Variants in NUP160 observed in about 807,000 individuals in gnomAD.
NUP160 encodes nucleoporin 160.
NUP160 carries 94 observed loss-of-function variants against 196.9 expected under a neutral mutation model. The observed-to-expected ratio is 0.48, with a 90% CI of 0.40 to 0.57. The LOEUF (loss-of-function observed/expected upper bound fraction) is 0.57. NUP160 is among the 20% of genes least tolerant of loss of function. NUP160 has a pLI of 0.00. For missense variants in NUP160, 1,638 were observed against 1,748.3 expected (o/e 0.94, Z 1.13); for synonymous variants, 605 against 619.7 (o/e 0.98, Z 0.35).
In NUP160 at chr11:47,812,226, T is replaced by C; in HGVS notation, c.2081-2A>G. ...TCATTCGAATATTCAAAGGCTGAGC[T>C]GTAAAAAGAAGAAAAATGGAGTTGA... On this transcript the variant is annotated splice_acceptor_variant, in intron 16 of 35. Transcript: ENST00000378460. LOFTEE classifies it high-confidence loss of function. 1 of 1,613,906 alleles carries C rather than the reference T, an allele frequency of 6.2e-7. No individual in the cohort carries two copies. The highest frequency in any genetic ancestry group is 8.5e-7 in the Non-Finnish European group (1 of 1,179,870).
At chr11:47,789,065 C>T (rs10838767) in intron 29 of NUP160, among the ~76,000 whole-genome samples, 52,498 of 151,660 alleles carry the variant, frequency 0.35, 10,526 homozygotes, top group South Asian at 0.52. Flanking sequence ...TTAGTAGACA[C>T]GGGGTTTTAC....
rs187327062 is a variant in NUP160, at chr11:47,787,297, G to A, written c.3747-743C>T. ...GAGATGGGGTTTCGTCATGTTGGCC[G>A]GGCAGGTCTTGAACTCCTGACCTCA... is the stretch of plus-strand genomic sequence containing the variant. On this transcript the variant is annotated intron_variant, in intron 31 of 35. Coordinates refer to ENST00000378460, the Ensembl canonical transcript of NUP160. Among the ~76,000 whole-genome samples, 7 of 151,872 alleles carry A rather than the reference G, an allele frequency of 4.6e-5. No homozygotes were observed. The East Asian group carries it at 5.8e-4, about 13-fold the overall frequency.
intron 5 of NUP160, among the ~76,000 whole-genome samples, 197 bp downstream of exon 5, chr11:47,837,347 AT>A (rs750212950): frequency 6.5e-4 from 99 of 152,352 alleles, no homozygotes; most frequent in Middle Eastern, 3.4e-3. Flanking sequence ...AGGCCGATTT[AT>A]GCTGACAAGG....
At chr11:47,812,246 A>C in intron 16 of NUP160, 22 bp from the exon 17 acceptor site, 1 of 1,613,774 alleles carries the variant, frequency 6.2e-7, no homozygotes, top group South Asian at 1.1e-5. Context: ...AGAAAAATGG[A>C]GTTGAATGCA....
Position 47,819,256 on chromosome 11 carries a change from T to G in NUP160, c.1362+118A>C, listed in dbSNP as rs893422755. On this transcript the variant is annotated intron_variant, in intron 10 of 35. Coordinates refer to ENST00000378460, the Ensembl canonical transcript of NUP160. ...TGAACCTGGGAGGCAGAGGTTGCAG[T>G]GAGCCAAGATCATGCCACTGTACCC... 25 of 678,818 alleles carry G rather than the reference T, an allele frequency of 3.7e-5. No homozygotes were observed. In the African/African-American group the frequency reaches 3.9e-4, roughly 11 times the overall value. 42.0% of individuals were successfully genotyped at this position (678,818 alleles called of 1,614,324 possible). A position where few individuals can be genotyped will look rare whatever the true frequency, so the allele number is the denominator to read the frequency against.
rs575838027 is a variant in NUP160 at position 47,798,921 on chromosome 11, C to T, written c.2896-458G>A. ...ACACCTGTCATTCTGACCAACACGG[C>T]GAGACCCCATCTCTATTATTAAAAA... On this transcript the variant is annotated intron_variant, in intron 23 of 35. Transcript: ENST00000378460. Among the ~76,000 whole-genome samples the T allele has an allele frequency of 5.6e-5, 8 of 143,688 alleles. No individual in the cohort carries two copies. In the East Asian group the frequency reaches 1.0e-3, roughly 18 times the overall value. 94.3% of individuals were successfully genotyped at this position (143,688 alleles called of 152,430 possible).
chr11:47,801,503 C>G (rs1200773254), intron 23 of NUP160, among the ~76,000 whole-genome samples: 1 of 152,102 alleles, frequency 6.6e-6, no homozygotes, highest in Non-Finnish European at 1.5e-5. Flanking sequence ...GCACCCGCCA[C>G]CACGCCAGGC....
intron 32 of NUP160, 40 bp from the exon 33 acceptor site, chr11:47,785,103 T>TTTTTTTTTTTG: frequency 9.2e-7 from 1 of 1,086,546 alleles, no homozygotes. Flanking sequence ...TTCAGATTCT[T>TTTTTTTTTTTG]AATAGCTATT....
intron 2 of NUP160, chr11:47,841,522 A>T: frequency 2.4e-6 from 1 of 419,716 alleles, no homozygotes; most frequent in Non-Finnish European, 4.8e-6. Flanking sequence ...TGGCCACCAC[A>T]TGGTCCAACA....
chr11:47,783,079 T>A, exon 34 of NUP160: 1 of 1,612,848 alleles, frequency 6.2e-7, no homozygotes, highest in Non-Finnish European at 8.5e-7. Flanking sequence ...CTACCTCAAT[T>A]CCGAAGTATT....
intron 7 of NUP160, among the ~76,000 whole-genome samples, chr11:47,830,171 G>A (rs900880701): frequency 8.5e-5 from 13 of 152,124 alleles, no homozygotes; most frequent in Admixed American, 5.2e-4. Context: ...AGATACCATC[G>A]CACAGCAGTC....
At chr11:47,784,512 T>C (rs544527381) in intron 33 of NUP160, among the ~76,000 whole-genome samples, 4 of 152,298 alleles carry the variant, frequency 2.6e-5, no homozygotes, top group Admixed American at 2.6e-4. Context: ...AAATATAAAC[T>C]CATTGTTCAG....
At chr11:47,787,606 TAG>T (rs1193061324) in intron 31 of NUP160, among the ~76,000 whole-genome samples, 3 of 151,864 alleles carry the variant, frequency 2.0e-5, no homozygotes, top group African/African-American at 4.8e-5. Flanking sequence ...GTATTTTTAG[TAG>T]AGACAGGGTT....
intron 13 of NUP160, among the ~76,000 whole-genome samples, chr11:47,814,324 T>C (rs546101377): frequency 6.6e-6 from 1 of 152,040 alleles, no homozygotes; most frequent in East Asian, 1.9e-4. Context: ...GCGGATCACC[T>C]GAGCCCAGGA....
intron 9 of NUP160, chr11:47,820,233 T>C (rs1473700535): frequency 6.6e-6 from 1 of 152,214 alleles, no homozygotes; most frequent in East Asian, 1.9e-4. Context: ...TGGAGGGCTG[T>C]ATGCCAACTT....
intron 13 of NUP160, among the ~76,000 whole-genome samples, chr11:47,813,990 A>C (rs2097682681): frequency 6.7e-6 from 1 of 150,368 alleles, no homozygotes; most frequent in African/African-American, 2.4e-5. Context: ...AGAATGGCAT[A>C]AACCCAGGAG....
At chr11:47,844,369 A>G (rs1484133308) in intron 2 of NUP160, among the ~76,000 whole-genome samples, 3 of 152,164 alleles carry the variant, frequency 2.0e-5, no homozygotes, top group Non-Finnish European at 4.4e-5. Context: ...TCTTACTCAG[A>G]GCAAAAGCCA....
chr11:47,810,782 G>A (rs918025736), intron 17 of NUP160, among the ~76,000 whole-genome samples: 1 of 152,090 alleles, frequency 6.6e-6, no homozygotes, highest in Non-Finnish European at 1.5e-5. Context: ...CTGGCCTCAA[G>A]TGATCTGCCC....
At chr11:47,786,099 G>A (rs186890244) in intron 32 of NUP160, among the ~76,000 whole-genome samples, 4 of 152,278 alleles carry the variant, frequency 2.6e-5, no homozygotes, top group African/African-American at 7.2e-5. Flanking sequence ...AGGACACTGT[G>A]ATGAAACCAT....
Sources: allele counts gnomAD v4.1 joint callset (sites outside exome capture counted in the v4.1 genomes callset), GRCh38; gene constraint gnomAD v4.1.1; transcripts MANE v1.5; gene names NCBI Gene and HGNC (gene_info 2026-07-23, HGNC 2026-07-21).